The following LPP variants were observed in gnomAD, a reference collection of about 807,000 sequenced individuals.
LPP encodes lipoma-preferred partner.
Under a neutral mutation model 60.4 loss-of-function variants are expected in LPP, and 38 were observed. That is an observed-to-expected ratio of 0.63 (90% CI 0.49 to 0.83). The LOEUF (loss-of-function observed/expected upper bound fraction) is 0.83. Among genes scored for constraint, LPP ranks in the 40% least tolerant of loss-of-function variants. The pLI is 0.00. For missense variants in LPP, 902 were observed against 783.6 expected (o/e 1.15, Z -1.80); for synonymous variants, 328 against 290.8 (o/e 1.13, Z -1.30).
At position 188,718,779 on chromosome 3, in the gene LPP, G is replaced by C. The variant is rs1431117653; in HGVS notation, c.1240+10386G>C. The stretch of plus-strand genomic sequence containing the variant: ...CTTCTGTGACAGGACATGGTATATA[G>C]TAAACTATAGGGAGGAAATACTTCA... On this transcript the variant is annotated intron_variant, in intron 8 of 11. Transcript: ENST00000617246. Among the ~76,000 whole-genome samples the C allele has an allele frequency of 2.0e-5, 3 of 152,272 alleles. No individual in the cohort carries two copies. The East Asian group carries it at 5.8e-4, about 29-fold the overall frequency.
At chr3:188,620,453 T>C (rs767590045) in intron 7 of LPP, among the ~76,000 whole-genome samples, 8 of 152,212 alleles carry the variant, frequency 5.3e-5, no homozygotes, top group Non-Finnish European at 1.2e-4. Flanking sequence ...TAGTATAATA[T>C]TTTCAATTTC....
chr3:188,564,266 G>C (rs1831557397), intron 6 of LPP, among the ~76,000 whole-genome samples: 2 of 151,872 alleles, frequency 1.3e-5, no homozygotes, highest in African/African-American at 4.8e-5. Context: ...TCCTACTGAG[G>C]GTAATTAGTA....
chr3:188,390,052 G>C (rs1779331865), intron 3 of LPP, among the ~76,000 whole-genome samples: 1 of 152,096 alleles, frequency 6.6e-6, no homozygotes, highest in African/African-American at 2.4e-5. Flanking sequence ...CAGATCCATA[G>C]AGGACCCACA....
chr3:188,313,134 A>T (rs1189203149), intron 2 of LPP, among the ~76,000 whole-genome samples: 1 of 112,510 alleles, frequency 8.9e-6, no homozygotes, highest in African/African-American at 5.4e-5. Flanking sequence ...AAAATATTAA[A>T]AAAAAGAAAA....
intron 9 of LPP, among the ~76,000 whole-genome samples, chr3:188,780,613 G>A (rs1413239407): frequency 1.3e-5 from 2 of 152,168 alleles, no homozygotes; most frequent in Non-Finnish European, 2.9e-5. Flanking sequence ...AGTCTGGAAT[G>A]TTAGTAAAAG....
At chr3:188,745,230 G>A (rs898078447) in intron 8 of LPP, among the ~76,000 whole-genome samples, 14 of 152,028 alleles carry the variant, frequency 9.2e-5, no homozygotes, top group Admixed American at 9.2e-4. Flanking sequence ...CAGGTGTCAG[G>A]TCTTACTCAT....
At chr3:188,192,650 C>G in intron 1 of LPP, among the ~76,000 whole-genome samples, 1 of 152,172 alleles carries the variant, frequency 6.6e-6, no homozygotes, top group East Asian at 1.9e-4. Flanking sequence ...CAAAGTCACA[C>G]AATGGCAAGA....
intron 2 of LPP, among the ~76,000 whole-genome samples, chr3:188,269,915 T>G (rs1019548477): frequency 2.6e-5 from 4 of 152,204 alleles, no homozygotes; most frequent in African/African-American, 9.7e-5. Context: ...CCCAAAGTGC[T>G]GGGATTACAG....
At chr3:188,389,026 T>A (rs1404293141) in intron 3 of LPP, among the ~76,000 whole-genome samples, 1 of 152,232 alleles carries the variant, frequency 6.6e-6, no homozygotes, top group Non-Finnish European at 1.5e-5. Context: ...GTGAATTTTA[T>A]GAATCTTTCA....
chr3:188,391,232 A>T (rs2148683595), intron 3 of LPP, among the ~76,000 whole-genome samples: 1 of 152,296 alleles, frequency 6.6e-6, no homozygotes, highest in Non-Finnish European at 1.5e-5. Flanking sequence ...ATCAGACTAG[A>T]TTCGGCTTTC....
At chr3:188,187,447 AATAG>A (rs1303435800) in intron 1 of LPP, among the ~76,000 whole-genome samples, 1 of 151,990 alleles carries the variant, frequency 6.6e-6, no homozygotes, top group Non-Finnish European at 1.5e-5. Context: ...TTCTATAGTA[AATAG>A]ATAATAAATA....
intron 9 of LPP, among the ~76,000 whole-genome samples, chr3:188,809,983 A>G (rs1750412902): frequency 6.6e-6 from 1 of 152,084 alleles, no homozygotes; most frequent in South Asian, 2.1e-4. Flanking sequence ...TGAAGATCAG[A>G]TGGTTGTAGA....
chr3:188,879,756 AT>A lies in LPP; in HGVS notation c.*5281del, dbSNP rs1198262250. 5.5e-6 allele frequency: 1 copy of A among 181,612 alleles called. No individual in the cohort carries two copies. Among genetic ancestry groups the A allele is most frequent in the Admixed American group, 6.3e-5 (1 of 15,928 alleles). The allele number at this position is 181,612 out of a possible 1,614,324, so 11.3% of individuals were successfully genotyped here. A position where few individuals can be genotyped will look rare whatever the true frequency, so the allele number is the denominator to read the frequency against. On this transcript the variant is annotated 3_prime_UTR_variant, in exon 12 of 12. Coordinates refer to ENST00000617246, the MANE Select transcript of LPP (RefSeq NM_001375462.1). Reference sequence around the variant, plus strand: ...AAGGAATAACTATTGTATTTTCAGAATTTTAACACAGATTAACACTTAGCCT... The same window carrying A: ...AAGGAATAACTATTGTATTTTCAGAATTTAACACAGATTAACACTTAGCCT...
chr3:188,175,649 A>G (rs1722849019), intron 1 of LPP, among the ~76,000 whole-genome samples: 1 of 152,144 alleles, frequency 6.6e-6, no homozygotes, highest in Non-Finnish European at 1.5e-5. Flanking sequence ...CTGGTGTAGA[A>G]TGCAAATGCT....
chr3:188,869,273 T>C (rs1191571922), intron 10 of LPP, among the ~76,000 whole-genome samples: 1 of 152,028 alleles, frequency 6.6e-6, no homozygotes, highest in Non-Finnish European at 1.5e-5. Context: ...GCCTGCCTTT[T>C]ATTTATTTAT....
At chr3:188,725,337 A>G (rs1717972723) in intron 8 of LPP, 2 of 152,192 alleles carry the variant, frequency 1.3e-5, no homozygotes, top group Non-Finnish European at 2.9e-5. Context: ...GCCCGTTCCC[A>G]TTCAAAATGT....
At chr3:188,845,457 C>T (rs1761158279) in intron 9 of LPP, among the ~76,000 whole-genome samples, 1 of 152,058 alleles carries the variant, frequency 6.6e-6, no homozygotes, top group South Asian at 2.1e-4. Context: ...ATATCCACAC[C>T]GTAAAGTGAA....
intron 6 of LPP, among the ~76,000 whole-genome samples, chr3:188,599,672 A>G (rs1407579171): frequency 1.3e-5 from 2 of 151,968 alleles, no homozygotes; most frequent in African/African-American, 2.4e-5. Flanking sequence ...TGTGAAATGA[A>G]TAAGTGCTGA....
intron 7 of LPP, among the ~76,000 whole-genome samples, chr3:188,626,349 G>A (rs780257465): frequency 1.3e-5 from 2 of 152,060 alleles, no homozygotes; most frequent in Admixed American, 1.3e-4. Flanking sequence ...TTTAAACTAT[G>A]TAAGAGGATA....
Sources: gnomAD v4.1 joint callset for allele counts (sites outside exome capture counted in the v4.1 genomes callset) on GRCh38, gnomAD v4.1.1 for gene constraint, MANE v1.5 for transcripts, NCBI Gene and HGNC (gene_info 2026-07-23, HGNC 2026-07-21) for gene names.